The following KHDRBS2 variants were observed in gnomAD, a reference collection of about 807,000 sequenced individuals.
KHDRBS2 encodes the protein KH RNA binding domain containing, signal transduction associated 2.
In KHDRBS2, 26 loss-of-function variants were observed where a neutral mutation model predicts 44.3. That is an observed-to-expected ratio of 0.59 (90% CI 0.43 to 0.81). The LOEUF is 0.81. KHDRBS2 is among the 40% of genes least tolerant of loss of function. The pLI, the probability that KHDRBS2 is intolerant of heterozygous loss-of-function variation, is 0.00. For missense variants in KHDRBS2, 476 were observed against 433.1 expected (o/e 1.10, Z -0.88); for synonymous variants, 194 against 151.1 (o/e 1.28, Z -2.08).
At chr6:62,261,639 T>C (rs1838364379) in intron 1 of KHDRBS2, among the ~76,000 whole-genome samples, 1 of 151,842 alleles carries the variant, frequency 6.6e-6, no homozygotes, top group Admixed American at 6.6e-5. Flanking sequence ...TGTCTTTTGT[T>C]ACCATTTTAG....
At chr6:61,743,121 G>A (rs962841193) in intron 6 of KHDRBS2, among the ~76,000 whole-genome samples, 5 of 151,930 alleles carry the variant, frequency 3.3e-5, no homozygotes, top group South Asian at 2.1e-4. Context: ...AGAGACATAC[G>A]TGGAAGTTGT....
chr6:62,199,723 C>A (rs574016937), intron 1 of KHDRBS2, among the ~76,000 whole-genome samples: 1 of 151,852 alleles, frequency 6.6e-6, no homozygotes. Context: ...TCACAGAATT[C>A]GAAAAAACTA....
At chr6:61,740,213 G>A (rs1775947900) in intron 6 of KHDRBS2, among the ~76,000 whole-genome samples, 1 of 151,870 alleles carries the variant, frequency 6.6e-6, no homozygotes, top group South Asian at 2.1e-4. Flanking sequence ...ATAAATAAAT[G>A]TTTTTCAGAT....
At chr6:62,113,660 CT>C (rs925869791) in intron 2 of KHDRBS2, among the ~76,000 whole-genome samples, 17 of 151,984 alleles carry the variant, frequency 1.1e-4, no homozygotes, top group African/African-American at 3.9e-4. Flanking sequence ...TCTCTAGAGG[CT>C]TTTTTAAATG....
intron 2 of KHDRBS2, among the ~76,000 whole-genome samples, chr6:62,097,029 A>T (rs543209845): frequency 6.6e-6 from 1 of 151,194 alleles, no homozygotes; most frequent in Non-Finnish European, 1.5e-5. Flanking sequence ...ATTTCCATGT[A>T]TTGGTATAGT....
intron 4 of KHDRBS2, among the ~76,000 whole-genome samples, chr6:61,963,414 A>T (rs1769202867): frequency 6.6e-6 from 1 of 152,094 alleles, no homozygotes; most frequent in Non-Finnish European, 1.5e-5. Context: ...TGTTGAGATG[A>T]AATTAGATAA....
chr6:61,678,040 G>C (rs1016457475), downstream of KHDRBS2, among the ~76,000 whole-genome samples: 4 of 151,600 alleles, frequency 2.6e-5, no homozygotes, highest in African/African-American at 7.3e-5. Context: ...AACAGGACTA[G>C]ACACAGAAGA....
intron 3 of KHDRBS2, among the ~76,000 whole-genome samples, chr6:62,043,078 C>T (rs1786898450): frequency 6.6e-6 from 1 of 152,114 alleles, no homozygotes; most frequent in Admixed American, 6.6e-5. Flanking sequence ...ATTTTCCTCA[C>T]TCTTGTCTGG....
the KHDRBS2 span, among the ~76,000 whole-genome samples, chr6:61,658,593 A>G: frequency 6.6e-6 from 1 of 151,928 alleles, no homozygotes; most frequent in South Asian, 2.1e-4. Context: ...AATTTTAAAA[A>G]CACACATTTC....
At chr6:61,913,223 G>A (rs1011708573) in intron 4 of KHDRBS2, among the ~76,000 whole-genome samples, 1 of 152,098 alleles carries the variant, frequency 6.6e-6, no homozygotes, top group East Asian at 1.9e-4. Context: ...TAAGAGAAAT[G>A]ATAGGATCTC....
chr6:62,112,847 T>C (rs1805332725), intron 2 of KHDRBS2, among the ~76,000 whole-genome samples: 1 of 152,152 alleles, frequency 6.6e-6, no homozygotes, highest in Non-Finnish European at 1.5e-5. Flanking sequence ...AAATTATCTT[T>C]AGCTAGTGAT....
At chr6:61,637,853 T>C in the KHDRBS2 span, among the ~76,000 whole-genome samples, 2 of 152,182 alleles carry the variant, frequency 1.3e-5, no homozygotes, top group Admixed American at 6.6e-5. Flanking sequence ...TGTCTGTTCA[T>C]GTCCTTTGCC....
chr6:61,679,537 A>T (rs1766129699), downstream of KHDRBS2, among the ~76,000 whole-genome samples: 1 of 151,978 alleles, frequency 6.6e-6, no homozygotes, highest in Admixed American at 6.6e-5. Context: ...GTCCTGCGAC[A>T]TATTTCCTTA....
intron 6 of KHDRBS2, among the ~76,000 whole-genome samples, chr6:61,809,049 C>T (rs1400767247): frequency 6.6e-6 from 1 of 151,618 alleles, no homozygotes; most frequent in Non-Finnish European, 1.5e-5. Context: ...AATATGTATT[C>T]CTTATCTATG....
intron 6 of KHDRBS2, among the ~76,000 whole-genome samples, chr6:61,743,420 T>C (rs1776425079): frequency 6.6e-6 from 1 of 152,116 alleles, no homozygotes; most frequent in African/African-American, 2.4e-5. Flanking sequence ...ATTTACTCTC[T>C]AGTTGCTTTA....
At chr6:62,071,716 C>A (rs1232567689) in intron 2 of KHDRBS2, among the ~76,000 whole-genome samples, 1 of 152,134 alleles carries the variant, frequency 6.6e-6, no homozygotes, top group African/African-American at 2.4e-5. Context: ...GTTTTGGTAC[C>A]AGTACCATGC....
chr6:61,699,535 G>A (rs997974375), intron 7 of KHDRBS2, among the ~76,000 whole-genome samples: 4 of 151,924 alleles, frequency 2.6e-5, no homozygotes, highest in African/African-American at 9.7e-5. Context: ...CTGAGGGTAG[G>A]GGATAGATGC....
chr6:62,057,922 C>A (rs545147782), intron 2 of KHDRBS2, among the ~76,000 whole-genome samples: 175 of 151,962 alleles, frequency 1.2e-3, no homozygotes, highest in Middle Eastern at 6.8e-3. Flanking sequence ...TCATAAGTGT[C>A]AGGCCATTTT....
chr6:62,123,434 A>G (rs1278711080), intron 2 of KHDRBS2, among the ~76,000 whole-genome samples: 1 of 152,188 alleles, frequency 6.6e-6, no homozygotes, highest in Non-Finnish European at 1.5e-5. Context: ...TGGCTGCGTC[A>G]AACAGTATTT....
Sources: gnomAD v4.1 joint callset for allele counts (sites outside exome capture counted in the v4.1 genomes callset) on GRCh38, gnomAD v4.1.1 for gene constraint, MANE v1.5 for transcripts, NCBI Gene and HGNC (gene_info 2026-07-23, HGNC 2026-07-21) for gene names.